PRUNE2: variants seen among roughly 807,000 people sequenced by gnomAD.
The protein encoded by PRUNE2 is protein prune homolog 2.
A neutral mutation model predicts 252.0 loss-of-function variants in PRUNE2; 164 were observed. The observed-to-expected ratio is 0.65, with a 90% CI of 0.57 to 0.74. PRUNE2 has a LOEUF of 0.74. PRUNE2 is among the 30% of genes least tolerant of loss of function. The pLI is 0.00. For missense variants in PRUNE2, 3,495 were observed against 3,711.0 expected (o/e 0.94, Z 1.51); for synonymous variants, 1,292 against 1,350.2 (o/e 0.96, Z 0.94).
chr9:76,746,127 T>C (rs1255757939), intron 6 of PRUNE2, among the ~76,000 whole-genome samples: 1 of 152,172 alleles, frequency 6.6e-6, no homozygotes, highest in African/African-American at 2.4e-5. Flanking sequence ...TGTGTGGTCT[T>C]TGTCCCATCT....
At chr9:76,665,086 C>T (rs1444660203) in intron 9 of PRUNE2, among the ~76,000 whole-genome samples, 1 of 152,140 alleles carries the variant, frequency 6.6e-6, no homozygotes, top group Non-Finnish European at 1.5e-5. Context: ...ATCCCTACCT[C>T]CTCCAAATTA....
chr9:76,717,062 G>C (rs1418296439), intron 6 of PRUNE2, among the ~76,000 whole-genome samples: 6 of 152,094 alleles, frequency 3.9e-5, no homozygotes, highest in African/African-American at 1.4e-4. Flanking sequence ...GTTTTCCCCT[G>C]GGTGACCCCA....
intron 6 of PRUNE2, chr9:76,737,912 ATATTTGCATGCAT>A (rs1564185914): frequency 6.6e-6 from 1 of 152,234 alleles, no homozygotes; most frequent in Non-Finnish European, 1.5e-5. Context: ...AAAACCTTGC[ATATTTGCATGCAT>A]TATTTAGTAT....
At chr9:76,904,676 G>A (rs1243069070) in intron 1 of PRUNE2, among the ~76,000 whole-genome samples, 2 of 152,214 alleles carry the variant, frequency 1.3e-5, no homozygotes, top group Admixed American at 1.3e-4. Context: ...ACACAGAGAT[G>A]ATCACAAACT....
chr9:76,651,427 G>A (rs1029910646), intron 11 of PRUNE2, among the ~76,000 whole-genome samples: 4 of 152,176 alleles, frequency 2.6e-5, no homozygotes, highest in African/African-American at 9.7e-5. Context: ...GAATTAGCAT[G>A]TCTCTAAAAG....
intron 9 of PRUNE2, among the ~76,000 whole-genome samples, chr9:76,657,456 T>C (rs535013104): frequency 6.6e-6 from 1 of 152,372 alleles, no homozygotes; most frequent in African/African-American, 2.4e-5. Context: ...TTAAGTTTAA[T>C]AGATTTTTTT....
At chr9:76,713,338 G>C (rs1437076897) in intron 7 of PRUNE2, among the ~76,000 whole-genome samples, 1 of 152,178 alleles carries the variant, frequency 6.6e-6, no homozygotes, top group Non-Finnish European at 1.5e-5. Flanking sequence ...AAGAGCTAAT[G>C]TTTTGCACTA....
rs200318192 is a variant in PRUNE2, at chr9:76,708,244, C to T, written c.4030G>A (p.Val1344Met). The T allele has an allele frequency of 6.8e-6, 11 of 1,613,950 alleles. No homozygotes were observed. The highest frequency in any genetic ancestry group is 2.7e-5 in the African/African-American group (2 of 75,062). The change falls in exon 8 of 19, where the codon GTG (valine) becomes ATG (methionine). Residue 1344 changes from valine (V) to methionine (M), a missense_variant. Coordinates refer to ENST00000376718, the MANE Select transcript of PRUNE2 (RefSeq NM_015225.3). ...TDRGHLDEEE[V>M]IASGVENASG... is the part of the protein sequence containing the mutation. ...GCATTCTCCACACCAGAGGCGATCA[C>T]CTCCTCTTCATCAAGGTGCCCCCTG... is the stretch of plus-strand genomic sequence containing the variant.
At chr9:76,717,148 A>G (rs914746659) in intron 6 of PRUNE2, among the ~76,000 whole-genome samples, 1 of 152,254 alleles carries the variant, frequency 6.6e-6, no homozygotes, top group African/African-American at 2.4e-5. Context: ...GAGAAACAAA[A>G]TACATTTTAC....
intron 9 of PRUNE2, among the ~76,000 whole-genome samples, chr9:76,701,199 G>A (rs769197738): frequency 3.3e-5 from 5 of 152,160 alleles, no homozygotes; most frequent in Non-Finnish European, 7.3e-5. Context: ...TGATACTGAT[G>A]CTGCTGTTCT....
Position 76,652,733 on chromosome 9 carries a change from T to A in PRUNE2, c.8357-50A>T, listed in dbSNP as rs747875976. ...ATCAAGTATTAAACCAGAGGAGCAATCTAAATCAAAAATTTCAAAATCCCA... is the reference window on the plus strand; with the variant it reads ...ATCAAGTATTAAACCAGAGGAGCAAACTAAATCAAAAATTTCAAAATCCCA... On this transcript the variant is annotated intron_variant, in intron 10 of 18. Coordinates refer to ENST00000376718, the MANE Select transcript of PRUNE2 (RefSeq NM_015225.3). The A allele has an allele frequency of 7.4e-6, 10 of 1,342,492 alleles. No individual in the cohort carries two copies. The African/African-American group carries it at 1.3e-4, about 18-fold the overall frequency. 83.2% of individuals were successfully genotyped at this position (1,342,492 alleles called of 1,614,324 possible). A position where few individuals can be genotyped will look rare whatever the true frequency, so the allele number is the denominator to read the frequency against.
chr9:76,642,154 G>A (rs1273319718), intron 12 of PRUNE2, among the ~76,000 whole-genome samples: 1 of 152,078 alleles, frequency 6.6e-6, no homozygotes, highest in Non-Finnish European at 1.5e-5. Context: ...TGTTGGCTGA[G>A]CAAAACCATT....
At position 76,644,835 on chromosome 9, in the gene PRUNE2, C is replaced by T; in HGVS notation, c.8632G>A (p.Asp2878Asn). 1 of 1,613,896 alleles carries T rather than the reference C, an allele frequency of 6.2e-7. No individual in the cohort carries two copies. Among genetic ancestry groups the T allele is most frequent in the Non-Finnish European group, 8.5e-7 (1 of 1,179,852 alleles). Residue 2878 changes from aspartate to asparagine, a missense_variant, in exon 12 of 19, where the codon GAC becomes AAC. Asp to Asn is a conservative substitution (Grantham distance 23, BLOSUM62 1). Coordinates refer to ENST00000376718, the MANE Select transcript of PRUNE2 (RefSeq NM_015225.3). ...PEYTAEEEREDNRLWRTVVIG... is the reference protein window; with the variant it reads ...PEYTAEEERENNRLWRTVVIG... The stretch of plus-strand genomic sequence containing the variant: ...ACCACTGTCCTCCAAAGCCGGTTGT[C>T]CTCCCGTTCCTCTTCGGCCGTATAT...
chr9:76,850,562 G>A lies in PRUNE2; in HGVS notation c.245C>T (p.Ser82Phe), dbSNP rs767003534. 3.1e-6 allele frequency: 5 copies of A among 1,613,684 alleles called. 1 individual carries two copies. In the South Asian group the frequency reaches 4.4e-5, roughly 14 times the overall value. ...TRFILEELNI[S>F]ESFHIFRDEI... ...ATCCCGGAATATGTGGAATGATTCG[G>A]AAATATTTAGCTCTTCTAAAATAAA... is the stretch of plus-strand genomic sequence containing the variant. The change falls in exon 3 of 19, where the codon TCC becomes TTC. Residue 82 changes from serine to phenylalanine, a missense_variant. Physicochemically the swap from Ser to Phe is radical, Grantham distance 155. Coordinates refer to ENST00000376718, the MANE Select transcript of PRUNE2 (RefSeq NM_015225.3).
At chr9:76,870,001 T>A (rs1328399461) in intron 1 of PRUNE2, among the ~76,000 whole-genome samples, 2 of 152,204 alleles carry the variant, frequency 1.3e-5, no homozygotes, top group Non-Finnish European at 2.9e-5. Flanking sequence ...AGAAATGTTT[T>A]CTATCTTGAT....
chr9:76,666,674 G>A (rs1036835599), intron 9 of PRUNE2, among the ~76,000 whole-genome samples: 1 of 151,910 alleles, frequency 6.6e-6, no homozygotes, highest in African/African-American at 2.4e-5. Flanking sequence ...ATAAATAACA[G>A]TGCAGCCTTG....
At chr9:76,778,299 A>G (rs1343399) in intron 6 of PRUNE2, 53,243 of 151,906 alleles carry the variant, frequency 0.35, 10,200 homozygotes, top group African/African-American at 0.49. Context: ...TTATGGCACA[A>G]ATACAGCCTT....
chr9:76,888,594 C>CTAT (rs10655603), intron 1 of PRUNE2, among the ~76,000 whole-genome samples: 57,082 of 146,964 alleles, frequency 0.39, 11,288 homozygotes, highest in Middle Eastern at 0.45. Flanking sequence ...ATAATAATAA[C>CTAT]TATTATTATT....
At chr9:76,693,110 T>C (rs1317391529) in intron 9 of PRUNE2, 1 of 152,094 alleles carries the variant, frequency 6.6e-6, no homozygotes, top group African/African-American at 2.4e-5. Context: ...GCAGATATAT[T>C]GACACAATTA....
Sources: allele counts gnomAD v4.1 joint callset (sites outside exome capture counted in the v4.1 genomes callset), GRCh38; gene constraint gnomAD v4.1.1; transcripts MANE v1.5; gene names NCBI Gene and HGNC (gene_info 2026-07-23, HGNC 2026-07-21).